The following DLC1 variants were observed in gnomAD, a reference collection of about 807,000 sequenced individuals.
DLC1 encodes the protein rho GTPase-activating protein 7.
In DLC1, 54 loss-of-function variants were observed where a neutral mutation model predicts 140.3. The ratio of observed to expected loss-of-function variants is 0.38; its 90% CI spans 0.31 to 0.48. The LOEUF (loss-of-function observed/expected upper bound fraction) is 0.48. Among genes scored for constraint, DLC1 ranks in the 20% least tolerant of loss-of-function variants. The pLI, the probability that DLC1 is intolerant of heterozygous loss-of-function variation, is 0.96. For synonymous variants in DLC1, 986 were observed against 728.1 expected (o/e 1.35, Z -5.70); for missense variants, 2,536 against 1,907.0 (o/e 1.33, Z -6.14).
chr8:13,377,691 A>G (rs1836064098), intron 4 of DLC1, among the ~76,000 whole-genome samples: 1 of 152,144 alleles, frequency 6.6e-6, no homozygotes, highest in South Asian at 2.1e-4. Context: ...TAACATTACA[A>G]GTCATGAAAC....
intron 1 of DLC1, among the ~76,000 whole-genome samples, chr8:13,572,173 T>C (rs1237293719): frequency 6.6e-6 from 1 of 150,808 alleles, no homozygotes; most frequent in Non-Finnish European, 1.5e-5. Context: ...CACTGCAAGC[T>C]CCACCTCCCG....
At chr8:13,377,292 T>A (rs1017300592) in intron 4 of DLC1, among the ~76,000 whole-genome samples, 4 of 152,198 alleles carry the variant, frequency 2.6e-5, no homozygotes, top group Non-Finnish European at 4.4e-5. Context: ...AATTTGGAAG[T>A]AATCATGCAT....
chr8:13,585,139 T>C (rs1039143877), intron 1 of DLC1, among the ~76,000 whole-genome samples: 5 of 152,246 alleles, frequency 3.3e-5, no homozygotes, highest in Admixed American at 3.3e-4. Flanking sequence ...ATATGTGTAA[T>C]ACAATGTGGT....
At chr8:13,361,761 A>G (rs183325384) in intron 4 of DLC1, among the ~76,000 whole-genome samples, 15 of 152,298 alleles carry the variant, frequency 9.8e-5, no homozygotes, top group Admixed American at 7.2e-4. Flanking sequence ...GGTAAGAAAA[A>G]GTAGAATCAA....
At chr8:13,310,201 T>C (rs946624262) in intron 4 of DLC1, among the ~76,000 whole-genome samples, 3 of 152,234 alleles carry the variant, frequency 2.0e-5, no homozygotes, top group Non-Finnish European at 4.4e-5. Context: ...TATTTTGTGC[T>C]TTCTCTTTTT....
At chr8:13,206,314 C>G (rs1041023919) in intron 5 of DLC1, among the ~76,000 whole-genome samples, 1 of 152,098 alleles carries the variant, frequency 6.6e-6, no homozygotes, top group Non-Finnish European at 1.5e-5. Flanking sequence ...ACACAGTCGA[C>G]ATTGCAAAAG....
chr8:13,331,865 T>G (rs569066269), intron 4 of DLC1, among the ~76,000 whole-genome samples: 2 of 152,328 alleles, frequency 1.3e-5, no homozygotes, highest in South Asian at 2.1e-4. Flanking sequence ...ACTCCTTGTT[T>G]TAAGTGGCTT....
At chr8:13,092,218 C>A (rs1336369582) in intron 13 of DLC1, among the ~76,000 whole-genome samples, 2 of 152,210 alleles carry the variant, frequency 1.3e-5, no homozygotes, top group Non-Finnish European at 2.9e-5. Context: ...GCCCTCCAGC[C>A]TGGGCAACAG....
At chr8:13,445,733 A>G (rs1203406053) in intron 2 of DLC1, among the ~76,000 whole-genome samples, 1 of 152,218 alleles carries the variant, frequency 6.6e-6, no homozygotes, top group Admixed American at 6.5e-5. Flanking sequence ...TGTAGGAGAA[A>G]GAAAAACAAA....
intron 4 of DLC1, among the ~76,000 whole-genome samples, chr8:13,313,418 C>G (rs1358181753): frequency 1.3e-5 from 2 of 152,172 alleles, no homozygotes; most frequent in Non-Finnish European, 2.9e-5. Context: ...TACAAGGTTT[C>G]TTACTGCCAC....
chr8:13,523,655 A>G (rs2117289854), intron 1 of DLC1, among the ~76,000 whole-genome samples: 1 of 152,324 alleles, frequency 6.6e-6, no homozygotes, highest in South Asian at 2.1e-4. Context: ...TTAAGAAAGC[A>G]GAGGTCACTC....
chr8:13,111,735 G>A (rs1431071433), intron 6 of DLC1, among the ~76,000 whole-genome samples: 1 of 152,002 alleles, frequency 6.6e-6, no homozygotes, highest in Non-Finnish European at 1.5e-5. Flanking sequence ...GGCCTCCTCA[G>A]TAGAGTGCTA....
intron 1 of DLC1, among the ~76,000 whole-genome samples, chr8:13,587,232 GAAGAGAGTGATTATTCTGTCTTTTA>G (rs1805353940): frequency 6.6e-6 from 1 of 151,746 alleles, no homozygotes; most frequent in East Asian, 1.9e-4. Context: ...CCTCACATTT[GAAGAGAGTGATTATTCTGTCTTTTA>G]AAGGGTGTGC....
chr8:13,245,058 A>G (rs1044568530), intron 5 of DLC1, among the ~76,000 whole-genome samples: 2 of 152,066 alleles, frequency 1.3e-5, no homozygotes, highest in Non-Finnish European at 2.9e-5. Flanking sequence ...TAACCAACAG[A>G]ATGTAGCTGT....
intron 2 of DLC1, among the ~76,000 whole-genome samples, chr8:13,407,145 C>A (rs1331997608): frequency 6.6e-6 from 1 of 152,146 alleles, no homozygotes; most frequent in Non-Finnish European, 1.5e-5. Flanking sequence ...CCTAAGATGT[C>A]CAAGCCCATG....
At chr8:13,590,897 G>A (rs186559043) in intron 1 of DLC1, among the ~76,000 whole-genome samples, 2 of 152,026 alleles carry the variant, frequency 1.3e-5, no homozygotes, top group Non-Finnish European at 1.5e-5. Context: ...TTTTCTAAAA[G>A]CGATACTCTC....
chr8:13,101,846 T>C (rs555603672), intron 8 of DLC1, among the ~76,000 whole-genome samples: 1 of 152,314 alleles, frequency 6.6e-6, no homozygotes, highest in South Asian at 2.1e-4. Context: ...GGATAAGCTG[T>C]CACACGGACT....
At chr8:13,598,308 G>T (rs1191176455) in intron 1 of DLC1, among the ~76,000 whole-genome samples, 4 of 151,986 alleles carry the variant, frequency 2.6e-5, no homozygotes, top group South Asian at 2.1e-4. Context: ...CTCTAGGGTT[G>T]CCCTGTGCTG....
At chr8:13,479,802 A>AG (rs1475178193) in intron 2 of DLC1, among the ~76,000 whole-genome samples, 2 of 56,934 alleles carry the variant, frequency 3.5e-5, no homozygotes, top group African/African-American at 1.4e-4. Context: ...GAAAGAAAGA[A>AG]AAGAAGAAGA....
Sources: allele counts gnomAD v4.1 joint callset (sites outside exome capture counted in the v4.1 genomes callset), GRCh38; gene constraint gnomAD v4.1.1; transcripts MANE v1.5; gene names NCBI Gene and HGNC (gene_info 2026-07-23, HGNC 2026-07-21).